Variants in SUGP1 observed in about 807,000 individuals in gnomAD.
The protein encoded by SUGP1 is SURP and G-patch domain-containing protein 1.
Under a neutral mutation model 76.5 loss-of-function variants are expected in SUGP1, and 34 were observed. The observed-to-expected ratio is 0.44, with a 90% CI of 0.34 to 0.59. SUGP1 has a LOEUF of 0.59. SUGP1 is among the 20% of genes least tolerant of loss of function. The pLI is 0.01. For missense variants in SUGP1, 752 were observed against 851.7 expected, an observed-to-expected ratio of 0.88 and a Z score of 1.46; for synonymous variants, 326 against 326.2, an observed-to-expected ratio of 1.00 and a Z score of 0.01.
At position 19,320,472 on chromosome 19, in the gene SUGP1, C is replaced by A. The variant is rs762394886; in HGVS notation, c.25G>T (p.Asp9Tyr). The A allele has an allele frequency of 3.7e-6, 6 of 1,610,220 alleles. No individual in the cohort carries two copies. The highest frequency in any genetic ancestry group is 4.2e-6 in the Non-Finnish European group (5 of 1,178,636). The change falls in exon 1 of 14, where the codon GAT becomes TAT. Residue 9 changes from aspartate (D) to tyrosine (Y), a missense_variant. By Grantham distance (160) the Asp-to-Tyr change is radical (BLOSUM62 -3). Coordinates refer to ENST00000247001, the MANE Select transcript of SUGP1 (RefSeq NM_172231.4). MSLKMDNRDVAGKANRWFG... is the reference protein window; with the variant it reads MSLKMDNRYVAGKANRWFG... ...AGGCGGGGGCTGTTACCTGCAACAT[C>A]CCGGTTGTCCATCTTGAGACTCATC...
intron 8 of SUGP1, among the ~76,000 whole-genome samples, chr19:19,282,877 A>G (rs2061109628): frequency 6.6e-6 from 1 of 152,186 alleles, no homozygotes; most frequent in Non-Finnish European, 1.5e-5. Flanking sequence ...GAAGATCGAG[A>G]CCATCCTGGC....
chr19:19,296,905 A>C, intron 8 of SUGP1, 84 bp downstream of exon 8: 1 of 1,163,002 alleles, frequency 8.6e-7, no homozygotes, highest in East Asian at 2.6e-5. Flanking sequence ...TACAAGCTAC[A>C]CTGTGGATGA....
chr19:19,301,310 G>A (rs866448268), intron 7 of SUGP1, among the ~76,000 whole-genome samples: 4 of 151,986 alleles, frequency 2.6e-5, no homozygotes, highest in Non-Finnish European at 5.9e-5. Flanking sequence ...CCCTCTCCCC[G>A]TCCCCATTCA....
chr19:19,312,675 GCAAT>G (rs1209246158), intron 2 of SUGP1, among the ~76,000 whole-genome samples: 1 of 152,154 alleles, frequency 6.6e-6, no homozygotes, highest in Non-Finnish European at 1.5e-5. Flanking sequence ...TTTTAGACAA[GCAAT>G]CAAATACAAT....
chr19:19,306,166 G>A (rs1227467335), intron 3 of SUGP1, 90 bp from the exon 4 acceptor site: 12 of 1,296,496 alleles, frequency 9.3e-6, no homozygotes, highest in Non-Finnish European at 1.2e-5. Flanking sequence ...GGCCCCGGGG[G>A]AGCTGGGTCC....
intron 8 of SUGP1, among the ~76,000 whole-genome samples, chr19:19,294,510 CAA>C (rs58011841): frequency 3.3e-5 from 3 of 90,432 alleles, no homozygotes; most frequent in Admixed American, 1.3e-4. Flanking sequence ...GAGTGAGACT[CAA>C]AAAAAAAAAA....
chr19:19,294,842 A>G lies in SUGP1; in HGVS notation c.1243+2147T>C, dbSNP rs1026446869. ...TTCTGGCCACATTAAAAAAAGAAAG[A>G]AAATTTAAAAGTTGTATGCATCAAA... On this transcript the variant is annotated intron_variant, in intron 8 of 13. Coordinates refer to ENST00000247001, the MANE Select transcript of SUGP1 (RefSeq NM_172231.4). Among the ~76,000 whole-genome samples the G allele has an allele frequency of 2.6e-5, 4 of 152,152 alleles. No individual in the cohort carries two copies. In the South Asian group the frequency reaches 6.2e-4, roughly 24 times the overall value.
At chr19:19,304,971 G>A (rs2061305210) in intron 4 of SUGP1, among the ~76,000 whole-genome samples, 1 of 152,166 alleles carries the variant, frequency 6.6e-6, no homozygotes. Flanking sequence ...GCAGACAGTG[G>A]GTCATAATGG....
In SUGP1 at chr19:19,302,426, C is replaced by G. The variant is rs201788553; in HGVS notation, c.764-38G>C. The G allele has an allele frequency of 1.6e-5, 25 of 1,601,708 alleles. No individual in the cohort carries two copies. In the Admixed American group the frequency reaches 1.7e-4, roughly 11 times the overall value. On this transcript the variant is annotated intron_variant, in intron 6 of 13. Transcript: ENST00000247001. The stretch of plus-strand genomic sequence containing the variant: ...TGTCAGTACTGGGCTCAACTCACCA[C>G]ACCCAACAGCCTAATTTCTGCTAAG...
rs779983704 is a variant in SUGP1 at position 19,302,348 on chromosome 19, T to C, written c.804A>G (p.Glu268=). 15 of 1,614,202 alleles carry C rather than the reference T, an allele frequency of 9.3e-6. No individual in the cohort carries two copies. Among genetic ancestry groups the C allele is most frequent in the Non-Finnish European group, 1.3e-5 (15 of 1,180,030 alleles). ...CGTCCGCTATGAACCTGGCCAACTT[T>C]TCTGCAAGGTTCTTGACCTCTTCGT... The part of the protein sequence containing the change: ...PEDEEVKNLA[E]KLARFIADGG... Residue 268 remains glutamate (E), a synonymous_variant, in exon 7 of 14, where the codon GAA becomes GAG. Coordinates refer to ENST00000247001, the MANE Select transcript of SUGP1 (RefSeq NM_172231.4).
In SUGP1 at chr19:19,306,049, G is replaced by A. The variant is rs150385928; in HGVS notation, c.338C>T (p.Pro113Leu). The A allele has an allele frequency of 1.9e-6, 3 of 1,607,686 alleles. No individual in the cohort carries two copies. Among genetic ancestry groups the A allele is most frequent in the Admixed American group, 1.7e-5 (1 of 59,344 alleles). ...TDAPTSAPSA[P>L]PSTPTPSAGK... ...AGCGCTGGGGGTGGGTGTGCTGGGA[G>A]GGGCGCTGGGCGCACTGGTCGGGGC... The change falls in exon 4 of 14, where the codon CCT becomes CTT. Residue 113 changes from proline (P) to leucine (L), a missense_variant. This residue lies in a region of SUGP1 where 620 missense variants were observed against 617.3 expected (regional missense o/e 1.00). Transcript: ENST00000247001.
chr19:19,276,508 A>C lies in SUGP1; in HGVS notation c.*140T>G, dbSNP rs2061050183. On this transcript the variant is annotated 3_prime_UTR_variant, in exon 14 of 14. Coordinates refer to ENST00000247001, the MANE Select transcript of SUGP1 (RefSeq NM_172231.4). Reference sequence around the variant, plus strand: ...GGGGCTTCCTGCAACAGGACCAGGCATCTGTGGTGGATGAGCACTGGGACT... The same window carrying C: ...GGGGCTTCCTGCAACAGGACCAGGCCTCTGTGGTGGATGAGCACTGGGACT... 2.0e-6 allele frequency: 2 copies of C among 982,762 alleles called. No individual in the cohort carries two copies. The highest frequency in any genetic ancestry group is 3.1e-6 in the Non-Finnish European group (2 of 639,632). 60.9% of individuals were successfully genotyped at this position (982,762 alleles called of 1,614,324 possible).
At chr19:19,279,750 C>G (rs907426543) in intron 9 of SUGP1, among the ~76,000 whole-genome samples, 1 of 152,238 alleles carries the variant, frequency 6.6e-6, no homozygotes, top group African/African-American at 2.4e-5. Flanking sequence ...AACACCGACA[C>G]TGCCCAACTA....
At chr19:19,294,437 C>A (rs1019351279) in intron 8 of SUGP1, among the ~76,000 whole-genome samples, 5 of 148,854 alleles carry the variant, frequency 3.4e-5, no homozygotes, top group Admixed American at 6.8e-5. Context: ...GGTGGGAAGA[C>A]CACTTGAGCT....
intron 3 of SUGP1, among the ~76,000 whole-genome samples, chr19:19,308,508 C>T (rs992337521): frequency 6.6e-6 from 1 of 152,250 alleles, no homozygotes; most frequent in Admixed American, 6.5e-5. Flanking sequence ...CCCTGGCACA[C>T]GGGGTGGTAC....
chr19:19,279,825 C>T (rs573198888), intron 9 of SUGP1, among the ~76,000 whole-genome samples: 2 of 152,318 alleles, frequency 1.3e-5, no homozygotes, highest in Middle Eastern at 3.4e-3. Flanking sequence ...GCACTAGACA[C>T]GACAGAGGAC....
chr19:19,301,103 T>C (rs2061268351), intron 7 of SUGP1, among the ~76,000 whole-genome samples: 2 of 152,184 alleles, frequency 1.3e-5, no homozygotes, highest in South Asian at 4.1e-4. Context: ...TGGAGTGGAC[T>C]AGTGATCCAA....
intron 4 of SUGP1, among the ~76,000 whole-genome samples, chr19:19,305,342 G>A (rs1278557003): frequency 2.0e-5 from 3 of 152,174 alleles, no homozygotes; most frequent in Non-Finnish European, 4.4e-5. Flanking sequence ...TACACTGGGC[G>A]GTCTGGACAA....
At chr19:19,309,756 T>A (rs554382813) in intron 3 of SUGP1, among the ~76,000 whole-genome samples, 51 of 151,724 alleles carry the variant, frequency 3.4e-4, no homozygotes, top group Admixed American at 9.2e-4. Context: ...TAAAAATATT[T>A]AAAAAATTAG....
Sources: gnomAD v4.1 joint callset for allele counts (sites outside exome capture counted in the v4.1 genomes callset) on GRCh38, gnomAD v4.1.1 for gene constraint, gnomAD v4.1.1 regional missense constraint, MANE v1.5 for transcripts, NCBI Gene and HGNC (gene_info 2026-07-23, HGNC 2026-07-21) for gene names.